Variants in PDLIM5 observed in about 807,000 individuals in gnomAD.
The protein encoded by PDLIM5 is PDZ and LIM domain 5, also known as PDZ and LIM domain protein 5.
A neutral mutation model predicts 64.2 loss-of-function variants in PDLIM5; 34 were observed. The observed-to-expected ratio is 0.53, with a 90% confidence interval of 0.40 to 0.71. The LOEUF is 0.71. PDLIM5 is among the 30% of genes least tolerant of loss of function. PDLIM5 has a pLI of 0.00. For synonymous variants in PDLIM5, 253 were observed against 269.1 expected (o/e 0.94, Z 0.59); for missense variants, 683 against 733.6 (o/e 0.93, Z 0.80).
chr4:94,664,165 A>G lies in PDLIM5; in HGVS notation c.*98A>G. 7.6e-7 allele frequency: 1 copy of G among 1,314,762 alleles called. No individual in the cohort carries two copies. Among genetic ancestry groups the G allele is most frequent in the Non-Finnish European group, 9.8e-7 (1 of 1,016,160 alleles). The allele number at this position is 1,314,762 out of a possible 1,614,324, so 81.4% of individuals were successfully genotyped here. A position where few individuals can be genotyped will look rare whatever the true frequency, so the allele number is the denominator to read the frequency against. On this transcript the variant is annotated 3_prime_UTR_variant, in exon 13 of 13. Transcript: ENST00000317968. ...GATTCAATATTTATATGGAGTTTTG[A>G]AAAATAATAGTGGCCCTGAAGGAAT...
At chr4:94,611,995 A>G (rs1297542212) in intron 7 of PDLIM5, among the ~76,000 whole-genome samples, 1 of 152,132 alleles carries the variant, frequency 6.6e-6, no homozygotes, top group Non-Finnish European at 1.5e-5. Context: ...AGGCTGGTGG[A>G]TCATGAGGTC....
At chr4:94,473,072 G>A (rs562139708) in intron 2 of PDLIM5, among the ~76,000 whole-genome samples, 8 of 151,264 alleles carry the variant, frequency 5.3e-5, no homozygotes, top group South Asian at 2.1e-4. Context: ...TTTGTAGAAG[G>A]TGAGCAAATA....
At position 94,664,158 on chromosome 4, in the gene PDLIM5, A is replaced by C; in HGVS notation, c.*91A>C. On this transcript the variant is annotated 3_prime_UTR_variant, in exon 13 of 13. Coordinates refer to ENST00000317968, the MANE Select transcript of PDLIM5 (RefSeq NM_006457.5). ...ATTTTTAGATTCAATATTTATATGGAGTTTTGAAAAATAATAGTGGCCCTG... is the reference window on the plus strand; with the variant it reads ...ATTTTTAGATTCAATATTTATATGGCGTTTTGAAAAATAATAGTGGCCCTG... The C allele has an allele frequency of 7.6e-7, 1 of 1,310,346 alleles. No homozygotes were observed. Among genetic ancestry groups the C allele is most frequent in the Admixed American group, 3.0e-5 (1 of 33,028 alleles). 81.2% of individuals were successfully genotyped at this position (1,310,346 alleles called of 1,614,324 possible). A position where few individuals can be genotyped will look rare whatever the true frequency, so the allele number is the denominator to read the frequency against.
chr4:94,579,538 G>A, intron 5 of PDLIM5: 2 of 1,370,986 alleles, frequency 1.5e-6, no homozygotes, highest in East Asian at 2.5e-5. Context: ...AAGTGACAAA[G>A]TTAGTATCCA....
intron 2 of PDLIM5, among the ~76,000 whole-genome samples, chr4:94,522,378 T>G (rs868672362): frequency 6.6e-6 from 1 of 152,142 alleles, no homozygotes. Flanking sequence ...TATCATTTTA[T>G]TTTTTATTTT....
At chr4:94,624,686 G>A (rs931712722) in intron 8 of PDLIM5, among the ~76,000 whole-genome samples, 3 of 152,174 alleles carry the variant, frequency 2.0e-5, no homozygotes, top group African/African-American at 7.2e-5. Flanking sequence ...AACATTTTTA[G>A]GAAGAGGCCG....
At position 94,572,520 on chromosome 4, in the gene PDLIM5, C is replaced by T. The variant is rs1434631575; in HGVS notation, c.249-831C>T. Reference sequence around the variant, plus strand: ...GATTATATGAGATAATTGCTCCAAACCAATTATTGTTACTGTTGAGCCCAT... The same window carrying T: ...GATTATATGAGATAATTGCTCCAAATCAATTATTGTTACTGTTGAGCCCAT... On this transcript the variant is annotated intron_variant, in intron 3 of 12. Coordinates refer to ENST00000317968, the MANE Select transcript of PDLIM5 (RefSeq NM_006457.5). 5.3e-5 allele frequency among the ~76,000 whole-genome samples: 8 copies of T among 152,148 alleles called. No homozygotes were observed. In the East Asian group the frequency reaches 1.5e-3, roughly 29 times the overall value.
At chr4:94,475,837 TGGTA>T (rs1325607090) in intron 2 of PDLIM5, among the ~76,000 whole-genome samples, 1 of 152,176 alleles carries the variant, frequency 6.6e-6, no homozygotes, top group Non-Finnish European at 1.5e-5. Context: ...TGTTTAATTA[TGGTA>T]ATATGATTTT....
chr4:94,461,394 G>A (rs1723865809), intron 2 of PDLIM5, among the ~76,000 whole-genome samples: 1 of 152,156 alleles, frequency 6.6e-6, no homozygotes, highest in Admixed American at 6.5e-5. Flanking sequence ...AGTGACCATG[G>A]TGTCTACTGA....
intron 3 of PDLIM5, among the ~76,000 whole-genome samples, chr4:94,563,605 C>A (rs1734026494): frequency 6.6e-6 from 1 of 152,146 alleles, no homozygotes; most frequent in African/African-American, 2.4e-5. Context: ...AAAATACTCA[C>A]TTTACAAAAA....
At chr4:94,511,313 AT>A (rs934546245) in intron 2 of PDLIM5, among the ~76,000 whole-genome samples, 28 of 151,462 alleles carry the variant, frequency 1.8e-4, no homozygotes, top group East Asian at 7.7e-4. Flanking sequence ...CCTTTTTATT[AT>A]TTTTTTTTAT....
intron 2 of PDLIM5, among the ~76,000 whole-genome samples, chr4:94,458,356 G>A (rs1248935948): frequency 6.6e-6 from 1 of 151,984 alleles, no homozygotes; most frequent in Non-Finnish European, 1.5e-5. Flanking sequence ...GAAATTCTTA[G>A]CAAGGTCTGG....
At position 94,575,690 on chromosome 4, in the gene PDLIM5, C is replaced by T. The variant is rs567385179; in HGVS notation, c.366C>T (p.Asn122=). The stretch of plus-strand genomic sequence containing the variant: ...TGTCCAAAGTCACTTCCACAAACAA[C>T]ATGGCCTACAATAAGGCACCACGGC... ...PAVSKVTSTN[N]MAYNKAPRPF... The change falls in exon 5 of 13, where the codon AAC becomes AAT. Residue 122 remains asparagine, a synonymous_variant. Transcript: ENST00000317968. The T allele has an allele frequency of 3.7e-6, 6 of 1,613,396 alleles. No individual in the cohort carries two copies. In the South Asian group the frequency reaches 5.5e-5, roughly 15 times the overall value.
At chr4:94,488,704 G>A (rs1726575641) in intron 2 of PDLIM5, among the ~76,000 whole-genome samples, 1 of 152,178 alleles carries the variant, frequency 6.6e-6, no homozygotes, top group South Asian at 2.1e-4. Context: ...ACATTTTAAA[G>A]TGTTTCTACT....
chr4:94,623,398 C>T (rs1169158931), intron 8 of PDLIM5, among the ~76,000 whole-genome samples: 1 of 152,184 alleles, frequency 6.6e-6, no homozygotes, highest in African/African-American at 2.4e-5. Flanking sequence ...ATCCCTTCTA[C>T]TCCTGACAAA....
chr4:94,651,915 A>G (rs964793483), intron 9 of PDLIM5, among the ~76,000 whole-genome samples: 2 of 152,236 alleles, frequency 1.3e-5, no homozygotes, highest in Non-Finnish European at 2.9e-5. Flanking sequence ...CACCGTTCAT[A>G]AAAGGAATAA....
At position 94,665,514 on chromosome 4, in the gene PDLIM5, A is replaced by ATT; in HGVS notation, c.*1447_*1448insTT. ...AAAAAAAAAAAAAAAAAAGAGAGAGAGAGAATAAATAGAAAAGAATGTGGC... is the reference window on the plus strand; with the variant it reads ...AAAAAAAAAAAAAAAAAAGAGAGAGATTGAGAATAAATAGAAAAGAATGTGGC... On this transcript the variant is annotated 3_prime_UTR_variant, in exon 13 of 13. Coordinates refer to ENST00000317968, the MANE Select transcript of PDLIM5 (RefSeq NM_006457.5). 6.8e-6 allele frequency: 5 copies of ATT among 732,624 alleles called. No individual in the cohort carries two copies. The highest frequency in any genetic ancestry group is 8.3e-6 in the Non-Finnish European group (5 of 602,222). 45.4% of individuals were successfully genotyped at this position (732,624 alleles called of 1,614,324 possible). A position where few individuals can be genotyped will look rare whatever the true frequency, so the allele number is the denominator to read the frequency against.
In PDLIM5 at chr4:94,528,084, A is replaced by G. The variant is rs144430923; in HGVS notation, c.248+4209A>G. ...CTCACATTGTCCTCTCCAGATCACC[A>G]CCACTCATCACTGAATGCCCTTTCT... is the stretch of plus-strand genomic sequence containing the variant. On this transcript the variant is annotated intron_variant, in intron 3 of 12. Transcript: ENST00000317968. Among the ~76,000 whole-genome samples, 1,210 of 152,208 alleles carry G rather than the reference A, an allele frequency of 7.9e-3. 13 individuals are homozygous for G. Among genetic ancestry groups the G allele is most frequent in the African/African-American group, 0.027 (1,136 of 41,520 alleles).
chr4:94,652,672 T>C (rs958666293), intron 9 of PDLIM5, among the ~76,000 whole-genome samples: 1 of 152,156 alleles, frequency 6.6e-6, no homozygotes, highest in Non-Finnish European at 1.5e-5. Flanking sequence ...TGGCAGGAAT[T>C]AGTAAACAAA....
Sources: allele counts gnomAD v4.1 joint callset (sites outside exome capture counted in the v4.1 genomes callset), GRCh38; gene constraint gnomAD v4.1.1; transcripts MANE v1.5; gene names NCBI Gene and HGNC (gene_info 2026-07-23, HGNC 2026-07-21).